The following CYP7B1 variants were observed in gnomAD, a reference collection of about 807,000 sequenced individuals.
CYP7B1 encodes cytochrome P450 family 7 subfamily B member 1, also known as cytochrome P450 7B1.
A neutral mutation model predicts 42.7 loss-of-function variants in CYP7B1; 29 were observed. The ratio of observed to expected loss-of-function variants is 0.68; its 90% CI spans 0.51 to 0.93. The LOEUF (loss-of-function observed/expected upper bound fraction) is 0.93. Ranked by LOEUF, CYP7B1 falls within the 40% of genes least tolerant of loss-of-function variation. The pLI is 0.00. For synonymous variants in CYP7B1, 235 were observed against 218.2 expected, an observed-to-expected ratio of 1.08 and a Z score of -0.68; for missense variants, 655 against 600.5, an observed-to-expected ratio of 1.09 and a Z score of -0.95.
At chr8:64,588,212 G>A (rs1177327421), downstream of CYP7B1, among the ~76,000 whole-genome samples, 2 of 152,116 alleles carry the variant, frequency 1.3e-5, no homozygotes, top group South Asian at 4.1e-4. Flanking sequence ...TATATAAATT[G>A]TCTGAGATTA....
chr8:64,774,082 C>T (rs1804281865), intron 1 of CYP7B1, among the ~76,000 whole-genome samples: 1 of 152,162 alleles, frequency 6.6e-6, no homozygotes, highest in African/African-American at 2.4e-5. Context: ...TCCCTCTCTC[C>T]CACCTTTTTC....
At chr8:64,605,928 T>C (rs1177715141) in intron 4 of CYP7B1, among the ~76,000 whole-genome samples, 1 of 152,168 alleles carries the variant, frequency 6.6e-6, no homozygotes, top group Admixed American at 6.5e-5. Context: ...ATTATTAGAT[T>C]ATTAAAGGCA....
intron 1 of CYP7B1, chr8:64,732,714 C>T (rs938650136): frequency 6.6e-6 from 1 of 152,170 alleles, no homozygotes; most frequent in African/African-American, 2.4e-5. Context: ...TTTGTAATCC[C>T]AACGAGTTGT....
At chr8:64,640,043 C>T (rs1029595279) in intron 1 of CYP7B1, among the ~76,000 whole-genome samples, 43 of 152,074 alleles carry the variant, frequency 2.8e-4, no homozygotes, top group African/African-American at 1.0e-3. Flanking sequence ...TATGCTAAGA[C>T]AAAGAAACCA....
chr8:64,598,943 T>G (rs1805158244), intron 5 of CYP7B1, among the ~76,000 whole-genome samples: 2 of 152,200 alleles, frequency 1.3e-5, no homozygotes, highest in South Asian at 4.1e-4. Context: ...TAGTTAAAAT[T>G]TATTTGCAAT....
chr8:64,708,822 T>C lies in CYP7B1; in HGVS notation c.123-84283A>G, dbSNP rs1360025927. 2.0e-5 allele frequency among the ~76,000 whole-genome samples: 3 copies of C among 152,192 alleles called. No homozygotes were observed. In the East Asian group the frequency reaches 5.8e-4, roughly 29 times the overall value. On this transcript the variant is annotated intron_variant, in intron 1 of 5. Coordinates refer to ENST00000310193, the MANE Select transcript of CYP7B1 (RefSeq NM_004820.5). ...TATAGCAAAATCATAGTCAGAAATATTTACATAGGCTTGAAGACATTTGTG... is the reference window on the plus strand; with the variant it reads ...TATAGCAAAATCATAGTCAGAAATACTTACATAGGCTTGAAGACATTTGTG...
intron 1 of CYP7B1, among the ~76,000 whole-genome samples, chr8:64,653,931 T>C (rs1806079753): frequency 6.6e-6 from 1 of 152,102 alleles, no homozygotes; most frequent in African/African-American, 2.4e-5. Context: ...TTTGATAAAA[T>C]TCAACACCCT....
At chr8:64,780,057 C>T (rs1804394991) in intron 1 of CYP7B1, among the ~76,000 whole-genome samples, 1 of 152,074 alleles carries the variant, frequency 6.6e-6, no homozygotes, top group African/African-American at 2.4e-5. Context: ...CAAAACAAGT[C>T]GTTACACTAA....
At chr8:64,626,786 G>T (rs1805616219) in intron 1 of CYP7B1, among the ~76,000 whole-genome samples, 1 of 152,138 alleles carries the variant, frequency 6.6e-6, no homozygotes, top group South Asian at 2.1e-4. Flanking sequence ...ATATTTAAAA[G>T]AACTCTGATT....
chr8:64,778,390 A>T (rs1485305022), intron 1 of CYP7B1, among the ~76,000 whole-genome samples: 1 of 152,002 alleles, frequency 6.6e-6, no homozygotes, highest in Non-Finnish European at 1.5e-5. Flanking sequence ...AAGGTCATTC[A>T]AAATCCAAAA....
intron 1 of CYP7B1, among the ~76,000 whole-genome samples, chr8:64,646,690 A>G (rs1309019214): frequency 6.6e-6 from 1 of 152,200 alleles, no homozygotes; most frequent in Admixed American, 6.5e-5. Flanking sequence ...TCTTCTGGAT[A>G]ACTTGCTGCA....
intron 1 of CYP7B1, among the ~76,000 whole-genome samples, chr8:64,666,782 G>A (rs545642226): frequency 2.0e-5 from 3 of 152,230 alleles, no homozygotes; most frequent in Admixed American, 6.5e-5. Flanking sequence ...TGCTATAGTC[G>A]TTACCTTCCT....
chr8:64,665,175 C>T (rs774021123), intron 1 of CYP7B1, among the ~76,000 whole-genome samples: 2 of 152,172 alleles, frequency 1.3e-5, no homozygotes, highest in Non-Finnish European at 1.5e-5. Flanking sequence ...GTATGCAGTA[C>T]TCCAATTAAA....
chr8:64,639,203 C>G (rs1805817996), intron 1 of CYP7B1, among the ~76,000 whole-genome samples: 1 of 151,924 alleles, frequency 6.6e-6, no homozygotes, highest in African/African-American at 2.4e-5. Context: ...GATAAGTCCT[C>G]AAAATACTCT....
chr8:64,642,461 A>G (rs1360632101), intron 1 of CYP7B1, among the ~76,000 whole-genome samples: 1 of 152,138 alleles, frequency 6.6e-6, no homozygotes, highest in Non-Finnish European at 1.5e-5. Context: ...AAGATTTTTA[A>G]AATTTTGCTC....
intron 1 of CYP7B1, among the ~76,000 whole-genome samples, chr8:64,786,427 C>T (rs889752448): frequency 6.6e-6 from 1 of 152,198 alleles, no homozygotes; most frequent in South Asian, 2.1e-4. Flanking sequence ...GAGCTATGGG[C>T]CCCATGCAAG....
chr8:64,596,568 A>G lies in CYP7B1; in HGVS notation c.*74T>C. ...AAATAAATCAATTACATTTGCAGAA[A>G]TTAAAAAGAAATAGATGAGCTTAGG... On this transcript the variant is annotated 3_prime_UTR_variant, in exon 6 of 6. Transcript: ENST00000310193. 7.1e-7 allele frequency: 1 copy of G among 1,399,782 alleles called. No individual in the cohort carries two copies. The highest frequency in any genetic ancestry group is 9.8e-7 in the Non-Finnish European group (1 of 1,022,728). 86.7% of individuals were successfully genotyped at this position (1,399,782 alleles called of 1,614,324 possible).
At chr8:64,690,353 T>G (rs1290267218) in intron 1 of CYP7B1, among the ~76,000 whole-genome samples, 4 of 152,192 alleles carry the variant, frequency 2.6e-5, no homozygotes, top group African/African-American at 4.8e-5. Flanking sequence ...CAGAAAGCTG[T>G]GATCGCACCA....
chr8:64,587,776 T>C (rs930417759), downstream of CYP7B1: 7 of 152,234 alleles, frequency 4.6e-5, no homozygotes, highest in African/African-American at 1.7e-4. Flanking sequence ...CTGTAGGCAG[T>C]ACAGAAGTAC....
Sources: allele counts gnomAD v4.1 joint callset (sites outside exome capture counted in the v4.1 genomes callset), GRCh38; gene constraint gnomAD v4.1.1; transcripts MANE v1.5; gene names NCBI Gene and HGNC (gene_info 2026-07-23, HGNC 2026-07-21).